CRKL: variants seen among roughly 807,000 people sequenced by gnomAD.
CRKL encodes crk-like protein.
Under a neutral mutation model 23.0 loss-of-function variants are expected in CRKL, and 3 were observed. The ratio of observed to expected loss-of-function variants is 0.13; its 90% CI spans 0.06 to 0.34. CRKL has a LOEUF of 0.34. CRKL is among the 10% of genes least tolerant of loss of function. CRKL has a pLI of 1.00. For synonymous variants in CRKL, 188 were observed against 160.7 expected (o/e 1.17, Z -1.28); for missense variants, 256 against 394.5 (o/e 0.65, Z 2.97).
chr22:20,928,667 A>T (rs1015323153), intron 1 of CRKL, among the ~76,000 whole-genome samples: 1 of 147,172 alleles, frequency 6.8e-6, no homozygotes, highest in African/African-American at 2.5e-5. Context: ...ACAAAAATTA[A>T]TCGGATGTGG....
At chr22:20,938,811 T>TCA (rs1921755779) in intron 2 of CRKL, among the ~76,000 whole-genome samples, 1 of 152,184 alleles carries the variant, frequency 6.6e-6, no homozygotes, top group Non-Finnish European at 1.5e-5. Flanking sequence ...AATTTGTATT[T>TCA]AAGTGTCTAA....
chr22:20,938,808 ATTT>A (rs1921755506), intron 2 of CRKL, among the ~76,000 whole-genome samples: 1 of 152,172 alleles, frequency 6.6e-6, no homozygotes, highest in Non-Finnish European at 1.5e-5. Flanking sequence ...GAAAATTTGT[ATTT>A]AAGTGTCTAA....
chr22:20,934,289 T>C (rs774043260), intron 2 of CRKL, 45 bp downstream of exon 2: 1 of 1,504,098 alleles, frequency 6.6e-7, no homozygotes, highest in Admixed American at 2.0e-5. Context: ...TGACATTTGG[T>C]TTTAATTTTT....
chr22:20,939,787 TC>T (rs1921798847), intron 2 of CRKL, among the ~76,000 whole-genome samples: 1 of 121,486 alleles, frequency 8.2e-6, no homozygotes, highest in South Asian at 3.5e-4. Flanking sequence ...CATCTCTGAA[TC>T]CTTTTTTTTT....
chr22:20,921,602 C>T (rs1318572092), intron 1 of CRKL, among the ~76,000 whole-genome samples: 1 of 152,096 alleles, frequency 6.6e-6, no homozygotes, highest in Admixed American at 6.6e-5. Flanking sequence ...CTAGGCAAGG[C>T]TTGGCCTGAG....
chr22:20,935,785 A>C (rs906755779), intron 2 of CRKL, among the ~76,000 whole-genome samples: 2 of 151,656 alleles, frequency 1.3e-5, no homozygotes. Context: ...CTTAGCCCGC[A>C]AGTGCTGGGA....
intron 2 of CRKL, among the ~76,000 whole-genome samples, chr22:20,934,918 A>G (rs1921594499): frequency 7.0e-6 from 1 of 142,306 alleles, no homozygotes; most frequent in South Asian, 2.2e-4. Flanking sequence ...GGTTCACACC[A>G]TTCTCCTACC....
In CRKL at chr22:20,953,474, C is replaced by T. The variant is rs1922353504; in HGVS notation, c.*3629C>T. The T allele has an allele frequency of 4.3e-6, 1 of 231,340 alleles. No homozygotes were observed. Among genetic ancestry groups the T allele is most frequent in the Admixed American group, 5.6e-5 (1 of 17,700 alleles). 14.3% of individuals were successfully genotyped at this position (231,340 alleles called of 1,614,324 possible). A position where few individuals can be genotyped will look rare whatever the true frequency, so the allele number is the denominator to read the frequency against. Reference sequence around the variant, plus strand: ...AACATAAAACTCTTTTGACCTGTAACTTAAAGATCATAAACTTCAGGCAAT... The same window carrying T: ...AACATAAAACTCTTTTGACCTGTAATTTAAAGATCATAAACTTCAGGCAAT... On this transcript the variant is annotated 3_prime_UTR_variant, in exon 3 of 3. Transcript: ENST00000354336.
rs2147918764 is a variant in CRKL, at chr22:20,949,912, G to A, written c.*67G>A. 1 of 1,540,830 alleles carries A rather than the reference G, an allele frequency of 6.5e-7. No homozygotes were observed. The highest frequency in any genetic ancestry group is 8.7e-7 in the Non-Finnish European group (1 of 1,148,814). ...TCCTAGTCTCCTTTGAAGTGGGAAA[G>A]CATTTTCTCTCATAGGCAAGTCACA... On this transcript the variant is annotated 3_prime_UTR_variant, in exon 3 of 3. Transcript: ENST00000354336.
chr22:20,928,381 T>C (rs940924984), intron 1 of CRKL, among the ~76,000 whole-genome samples: 1 of 150,544 alleles, frequency 6.6e-6, no homozygotes, highest in Non-Finnish European at 1.5e-5. Flanking sequence ...CACTTGAGCC[T>C]GGGAGGTCAA....
At chr22:20,927,842 C>CAAAAAAA (rs796204860) in intron 1 of CRKL, among the ~76,000 whole-genome samples, 2 of 56,252 alleles carry the variant, frequency 3.6e-5, no homozygotes, top group Admixed American at 2.4e-4. Flanking sequence ...GACTCTGTCT[C>CAAAAAAA]AAAAAAAAAA....
chr22:20,952,945 C>T lies in CRKL; in HGVS notation c.*3100C>T, dbSNP rs1922331868. The T allele has an allele frequency of 4.3e-6, 1 of 231,156 alleles. No individual in the cohort carries two copies. Among genetic ancestry groups the T allele is most frequent in the African/African-American group, 2.2e-5 (1 of 45,206 alleles). 14.3% of individuals were successfully genotyped at this position (231,156 alleles called of 1,614,324 possible). On this transcript the variant is annotated 3_prime_UTR_variant, in exon 3 of 3. Transcript: ENST00000354336. Reference sequence around the variant, plus strand: ...ACCTTCTGTGCTCATGTTTGGAAAGCTGAAAGGGAAGGACAGCTGTGCCCT... The same window carrying T: ...ACCTTCTGTGCTCATGTTTGGAAAGTTGAAAGGGAAGGACAGCTGTGCCCT...
intron 2 of CRKL, among the ~76,000 whole-genome samples, chr22:20,939,407 A>AT (rs11327549): frequency 1.3e-4 from 19 of 149,816 alleles, no homozygotes; most frequent in African/African-American, 3.4e-4. Context: ...CGCCCGGCTA[A>AT]TTTTTTTTTT....
rs564480258 is a variant in CRKL at position 20,934,566 on chromosome 22, C to T, written c.777+322C>T. On this transcript the variant is annotated intron_variant, in intron 2 of 2. Transcript: ENST00000354336. The stretch of plus-strand genomic sequence containing the variant: ...TTAGTGTTTCACAGCTTGTTTTGTT[C>T]TGTCCTATTCCTTGTTTGCCCCAAA... 3.3e-5 allele frequency among the ~76,000 whole-genome samples: 5 copies of T among 151,892 alleles called. No individual in the cohort carries two copies. The East Asian group carries it at 7.8e-4, about 24-fold the overall frequency.
chr22:20,937,220 A>G (rs1011283144), intron 2 of CRKL, among the ~76,000 whole-genome samples: 1 of 152,120 alleles, frequency 6.6e-6, no homozygotes, highest in African/African-American at 2.4e-5. Context: ...GGCCTGGTCT[A>G]TGCCTCAGCA....
intron 2 of CRKL, among the ~76,000 whole-genome samples, chr22:20,941,002 A>G (rs981021362): frequency 6.6e-6 from 1 of 152,042 alleles, no homozygotes; most frequent in Non-Finnish European, 1.5e-5. Flanking sequence ...AATCCCTAAG[A>G]GATCATCATG....
chr22:20,919,058 A>C (rs974483135), intron 1 of CRKL, among the ~76,000 whole-genome samples: 2 of 148,920 alleles, frequency 1.3e-5, no homozygotes, highest in Non-Finnish European at 3.0e-5. Context: ...ACTCCAGGTT[A>C]AGAACTCCAG....
Position 20,953,629 on chromosome 22 carries a change from A to G in CRKL, c.*3784A>G. On this transcript the variant is annotated 3_prime_UTR_variant, in exon 3 of 3. Transcript: ENST00000354336. Reference sequence around the variant, plus strand: ...ATCGAGTGTCTTTTCTTAACAGATTAGTGCCTTTTTATTTTTGTATTCCGT... The same window carrying G: ...ATCGAGTGTCTTTTCTTAACAGATTGGTGCCTTTTTATTTTTGTATTCCGT... The G allele has an allele frequency of 4.8e-6, 1 of 209,540 alleles. No homozygotes were observed. Among genetic ancestry groups the G allele is most frequent in the Non-Finnish European group, 9.7e-6 (1 of 102,804 alleles). 13.0% of individuals were successfully genotyped at this position (209,540 alleles called of 1,614,324 possible).
At chr22:20,926,309 G>A (rs1921199757) in intron 1 of CRKL, among the ~76,000 whole-genome samples, 1 of 152,170 alleles carries the variant, frequency 6.6e-6, no homozygotes, top group African/African-American at 2.4e-5. Flanking sequence ...GAACTGATGA[G>A]TTTTACTTTT....
Sources: allele counts gnomAD v4.1 joint callset (sites outside exome capture counted in the v4.1 genomes callset), GRCh38; gene constraint gnomAD v4.1.1; transcripts MANE v1.5; gene names NCBI Gene and HGNC (gene_info 2026-07-23, HGNC 2026-07-21).